Variants in CCDC3 observed in about 807,000 individuals in gnomAD.
CCDC3 encodes coiled-coil domain-containing protein 3.
In CCDC3, 24 loss-of-function variants were observed where a neutral mutation model predicts 21.4. The observed-to-expected ratio is 1.12, with a 90% CI of 0.81 to 1.58. CCDC3 has a LOEUF of 1.58. CCDC3 is among the 40% of genes most tolerant of loss of function. CCDC3 has a pLI of 0.00. For synonymous variants in CCDC3, 186 were observed against 166.0 expected (o/e 1.12, Z -0.93); for missense variants, 425 against 360.9 (o/e 1.18, Z -1.44).
At chr10:13,065,823 T>A (rs1296576700) in intron 4 of CCDC3, among the ~76,000 whole-genome samples, 3 of 152,190 alleles carry the variant, frequency 2.0e-5, no homozygotes, top group Non-Finnish European at 4.4e-5. Flanking sequence ...ATATCAGTCA[T>A]TAGATATAAG....
rs550412433 is a variant in CCDC3, at chr10:12,932,752, G to T, written c.550-34073C>A. Among the ~76,000 whole-genome samples the T allele has an allele frequency of 4.9e-4, 75 of 152,250 alleles. 2 individuals are homozygous for T. The South Asian group carries it at 0.016, about 32-fold the overall frequency. On this transcript the variant is annotated intron_variant, in intron 2 of 2. Transcript: ENST00000378825. ...CTTGCCTTGTTCCTGATCTTAGCGG[G>T]AAAGCTTTGGGCTTCTCACTATTAA...
chr10:12,900,946 A>G (rs2131193426), intron 2 of CCDC3, among the ~76,000 whole-genome samples: 1 of 152,272 alleles, frequency 6.6e-6, no homozygotes, highest in South Asian at 2.1e-4. Flanking sequence ...GCAGACCGAT[A>G]GCCGATAGCC....
intron 4 of CCDC3, among the ~76,000 whole-genome samples, chr10:13,067,998 A>G (rs1250672161): frequency 6.6e-6 from 1 of 151,870 alleles, no homozygotes; most frequent in Admixed American, 6.6e-5. Context: ...ATTTTTCTCC[A>G]TTTTGCCTTG....
chr10:12,915,973 G>T (rs1834346870), intron 2 of CCDC3, among the ~76,000 whole-genome samples: 1 of 152,088 alleles, frequency 6.6e-6, no homozygotes, highest in Non-Finnish European at 1.5e-5. Context: ...GGAGCCATGG[G>T]GGCTAGTCTG....
intron 3 of CCDC3, among the ~76,000 whole-genome samples, chr10:13,076,906 A>G (rs772000937): frequency 3.9e-5 from 6 of 152,180 alleles, no homozygotes; most frequent in Non-Finnish European, 7.4e-5. Flanking sequence ...GACAAGCTGC[A>G]TAAGGGACAA....
At chr10:13,063,668 G>A (rs992980203) in intron 4 of CCDC3, among the ~76,000 whole-genome samples, 2 of 152,146 alleles carry the variant, frequency 1.3e-5, no homozygotes, top group Non-Finnish European at 2.9e-5. Context: ...TCCACCAGAT[G>A]TACCACCTCT....
At chr10:12,923,367 T>C (rs1262589398) in intron 2 of CCDC3, among the ~76,000 whole-genome samples, 1 of 152,196 alleles carries the variant, frequency 6.6e-6, no homozygotes, top group Non-Finnish European at 1.5e-5. Context: ...AAATACTCGT[T>C]ATTCCCTGAA....
chr10:13,064,940 A>C lies in CCDC3; in HGVS notation c.-270+8928T>G, dbSNP rs1453371578. Among the ~76,000 whole-genome samples the C allele has an allele frequency of 3.9e-5, 6 of 152,152 alleles. No individual in the cohort carries two copies. The South Asian group carries it at 6.2e-4, about 16-fold the overall frequency. On this transcript the variant is annotated intron_variant, in intron 4 of 6. Transcript: ENST00000378839. ...AGCTTTTCCCAAGGGAGGCAATCAG[A>C]TATGCATTTATCTCGGTGAGCAGAG...
At chr10:13,006,325 G>A (rs1835924296), upstream of CCDC3, among the ~76,000 whole-genome samples, 1 of 152,226 alleles carries the variant, frequency 6.6e-6, no homozygotes, top group African/African-American at 2.4e-5. Context: ...AATGCTGGGA[G>A]ACATATCAAT....
chr10:12,953,812 G>A (rs1443620851), intron 2 of CCDC3, among the ~76,000 whole-genome samples: 1 of 152,122 alleles, frequency 6.6e-6, no homozygotes. Context: ...ATAAGTCTTT[G>A]GAAGCTAGAC....
At chr10:12,977,344 G>C (rs529536336) in intron 2 of CCDC3, among the ~76,000 whole-genome samples, 18 of 151,064 alleles carry the variant, frequency 1.2e-4, no homozygotes, top group Admixed American at 7.9e-4. Context: ...AGAAAGAAAA[G>C]AAAGTGTCGT....
chr10:12,904,189 G>A (rs948461726), intron 2 of CCDC3, among the ~76,000 whole-genome samples: 3 of 152,002 alleles, frequency 2.0e-5, no homozygotes, highest in Non-Finnish European at 1.5e-5. Context: ...TCACTAGGCC[G>A]GGCATGGTGG....
chr10:12,950,702 C>T (rs1336890760), intron 2 of CCDC3, among the ~76,000 whole-genome samples: 2 of 152,168 alleles, frequency 1.3e-5, no homozygotes, highest in East Asian at 3.8e-4. Context: ...TTCTACAGTT[C>T]CTGACTCCTC....
chr10:13,039,108 T>C (rs1458997378), intron 5 of CCDC3, among the ~76,000 whole-genome samples: 2 of 152,188 alleles, frequency 1.3e-5, no homozygotes, highest in African/African-American at 4.8e-5. Context: ...TGGTCATCTA[T>C]CCATCCCTCT....
chr10:12,899,035 G>A (rs978183325), intron 2 of CCDC3, among the ~76,000 whole-genome samples: 12 of 152,130 alleles, frequency 7.9e-5, no homozygotes, highest in South Asian at 4.1e-4. Context: ...GGACAGTTCC[G>A]GGAATGGGGG....
intron 2 of CCDC3, among the ~76,000 whole-genome samples, chr10:12,973,358 G>C (rs977567409): frequency 1.3e-5 from 2 of 152,256 alleles, no homozygotes; most frequent in Non-Finnish European, 2.9e-5. Context: ...CTGAATGGAG[G>C]GGGAGGAGGC....
At chr10:12,951,182 G>A (rs897642804) in intron 2 of CCDC3, among the ~76,000 whole-genome samples, 1 of 152,180 alleles carries the variant, frequency 6.6e-6, no homozygotes, top group Non-Finnish European at 1.5e-5. Context: ...ACCAACCTGG[G>A]AAACATAGTG....
intron 3 of CCDC3, among the ~76,000 whole-genome samples, chr10:13,084,287 C>CTTT (rs61688783): frequency 1.5e-3 from 155 of 102,222 alleles, no homozygotes; most frequent in Middle Eastern, 4.9e-3. Flanking sequence ...CTTTTCTTTT[C>CTTT]TTTTTTTTTT....
intron 3 of CCDC3, among the ~76,000 whole-genome samples, chr10:13,096,338 T>A (rs1832629160): frequency 6.6e-6 from 1 of 152,052 alleles, no homozygotes; most frequent in Non-Finnish European, 1.5e-5. Context: ...CACGCACCAC[T>A]ACTGCCTGGC....
Sources: allele counts gnomAD v4.1 joint callset (sites outside exome capture counted in the v4.1 genomes callset), GRCh38; gene constraint gnomAD v4.1.1; transcripts MANE v1.5; gene names NCBI Gene and HGNC (gene_info 2026-07-23, HGNC 2026-07-21).